The following PCDH15 variants were observed in gnomAD, a reference collection of about 807,000 sequenced individuals.
PCDH15 encodes the protein protocadherin-15.
PCDH15 carries 129 observed loss-of-function variants against 178.5 expected under a neutral mutation model. That is an observed-to-expected ratio of 0.72 (90% CI 0.63 to 0.84). PCDH15 has a LOEUF of 0.84. Among genes scored for constraint, PCDH15 ranks in the 40% least tolerant of loss-of-function variants. The probability of loss-of-function intolerance (pLI) is 0.00; values close to 1 mark genes in which losing one functional copy is unlikely to be tolerated. For missense variants in PCDH15, 2,230 were observed against 2,099.9 expected (o/e 1.06, Z -1.21); for synonymous variants, 800 against 732.0 (o/e 1.09, Z -1.50).
chr10:54,493,091 A>G (rs1398571140), intron 3 of PCDH15, among the ~76,000 whole-genome samples: 1 of 152,180 alleles, frequency 6.6e-6, no homozygotes, highest in East Asian at 1.9e-4. Flanking sequence ...TGCCCTCATG[A>G]TTCAATTACC....
chr10:55,328,525 G>A (rs1844097097), intron 2 of PCDH15, among the ~76,000 whole-genome samples: 1 of 151,658 alleles, frequency 6.6e-6, no homozygotes, highest in Non-Finnish European at 1.5e-5. Flanking sequence ...ATAATCTTAT[G>A]GGATCGCCAT....
At chr10:53,991,241 C>T (rs1229966635) in intron 21 of PCDH15, among the ~76,000 whole-genome samples, 1 of 152,190 alleles carries the variant, frequency 6.6e-6, no homozygotes, top group Non-Finnish European at 1.5e-5. Context: ...GCAGCCCCGG[C>T]GTGGGATCCA....
At chr10:53,999,052 CAAAAAA>C (rs33951115) in intron 20 of PCDH15, among the ~76,000 whole-genome samples, 1 of 92,510 alleles carries the variant, frequency 1.1e-5, no homozygotes. Context: ...TACTCAGTCT[CAAAAAA>C]AAAAAAAAAA....
At chr10:54,942,191 C>T (rs1349893) in intron 2 of PCDH15, among the ~76,000 whole-genome samples, 118,181 of 151,906 alleles carry the variant, frequency 0.78, 46,747 homozygotes, top group African/African-American at 0.89. Flanking sequence ...TGGGAAGATA[C>T]ATGATGCTCT....
chr10:55,540,329 T>G (rs1395082480), intron 2 of PCDH15, among the ~76,000 whole-genome samples: 2 of 152,018 alleles, frequency 1.3e-5, no homozygotes, highest in Non-Finnish European at 2.9e-5. Flanking sequence ...TTCCACCCCA[T>G]AGATGAAATA....
At chr10:54,637,269 A>G (rs189016478) in intron 2 of PCDH15, among the ~76,000 whole-genome samples, 1 of 152,040 alleles carries the variant, frequency 6.6e-6, no homozygotes, top group East Asian at 1.9e-4. Context: ...TGTAAAATCT[A>G]TAAGAGAGGT....
chr10:55,368,719 A>G (rs1249776826), intron 2 of PCDH15, among the ~76,000 whole-genome samples: 1 of 152,140 alleles, frequency 6.6e-6, no homozygotes, highest in Admixed American at 6.6e-5. Context: ...CCCTTTAAGT[A>G]AGTATAATGT....
chr10:54,108,098 A>T (rs1381051669), intron 15 of PCDH15, among the ~76,000 whole-genome samples: 1 of 152,146 alleles, frequency 6.6e-6, no homozygotes, highest in Non-Finnish European at 1.5e-5. Context: ...TCAAAGCAAG[A>T]GTGGAGAGAG....
At chr10:54,962,025 A>G (rs759770485) in intron 2 of PCDH15, among the ~76,000 whole-genome samples, 11 of 152,222 alleles carry the variant, frequency 7.2e-5, no homozygotes, top group South Asian at 6.2e-4. Flanking sequence ...CTGTCACTCA[A>G]TAAAGCTCCT....
At chr10:54,179,448 T>C (rs1353998943) in intron 13 of PCDH15, among the ~76,000 whole-genome samples, 1 of 150,836 alleles carries the variant, frequency 6.6e-6, no homozygotes, top group Non-Finnish European at 1.5e-5. Flanking sequence ...AGGGATAGCA[T>C]TAGGAGATAT....
chr10:54,844,228 AT>A (rs1472770941), intron 3 of PCDH15, among the ~76,000 whole-genome samples: 1 of 152,014 alleles, frequency 6.6e-6, no homozygotes, highest in Non-Finnish European at 1.5e-5. Context: ...CACAAATCTT[AT>A]TTTTTATGAA....
intron 25 of PCDH15, among the ~76,000 whole-genome samples, chr10:53,908,249 C>T (rs188139948): frequency 1.1e-4 from 16 of 152,130 alleles, no homozygotes; most frequent in African/African-American, 2.9e-4. Flanking sequence ...TTACCCCAAA[C>T]GAACAAACAA....
At chr10:55,561,076 T>C (rs556076693) in intron 2 of PCDH15, among the ~76,000 whole-genome samples, 93 of 151,854 alleles carry the variant, frequency 6.1e-4, no homozygotes, top group Non-Finnish European at 9.4e-4. Context: ...AGAATATATA[T>C]TTTAAAAATA....
intron 8 of PCDH15, among the ~76,000 whole-genome samples, chr10:54,292,766 T>G (rs996715303): frequency 6.6e-6 from 1 of 152,082 alleles, no homozygotes; most frequent in African/African-American, 2.4e-5. Flanking sequence ...ACAAGGGATG[T>G]GAGGGACCTT....
rs571295016 is a variant in PCDH15, at chr10:54,096,772, C to T, written c.1918-6709G>A. Among the ~76,000 whole-genome samples the T allele has an allele frequency of 2.6e-5, 4 of 152,260 alleles. No individual in the cohort carries two copies. The South Asian group carries it at 6.2e-4, about 24-fold the overall frequency. ...AATGTCCTACTTCTAAATACCATCACGTTGGGGATTTTGGCTTCAATATGT... is the reference window on the plus strand; with the variant it reads ...AATGTCCTACTTCTAAATACCATCATGTTGGGGATTTTGGCTTCAATATGT... On this transcript the variant is annotated intron_variant, in intron 15 of 37. Transcript: ENST00000644397.
chr10:54,368,408 A>T (rs1947125090), intron 5 of PCDH15, among the ~76,000 whole-genome samples: 3 of 152,040 alleles, frequency 2.0e-5, no homozygotes, highest in African/African-American at 7.2e-5. Context: ...TGTCTAACAT[A>T]CACATAATAG....
At chr10:55,009,842 T>A (rs1007370906) in intron 2 of PCDH15, among the ~76,000 whole-genome samples, 2 of 152,158 alleles carry the variant, frequency 1.3e-5, no homozygotes, top group African/African-American at 4.8e-5. Context: ...AATCAATACT[T>A]TGCTTAATGG....
At chr10:54,203,505 T>C (rs537118670) in intron 10 of PCDH15, among the ~76,000 whole-genome samples, 19 of 152,252 alleles carry the variant, frequency 1.2e-4, no homozygotes, top group Non-Finnish European at 2.1e-4. Flanking sequence ...TAATTTGACA[T>C]ACAGAAAGTT....
intron 1 of PCDH15, among the ~76,000 whole-genome samples, chr10:55,314,012 G>C (rs1843658933): frequency 6.6e-6 from 1 of 151,896 alleles, no homozygotes; most frequent in African/African-American, 2.4e-5. Context: ...TTAGGGTAAA[G>C]CAAATTTAGG....
Sources: allele counts gnomAD v4.1 joint callset (sites outside exome capture counted in the v4.1 genomes callset), GRCh38; gene constraint gnomAD v4.1.1; transcripts MANE v1.5; gene names NCBI Gene and HGNC (gene_info 2026-07-23, HGNC 2026-07-21).